NBPF3: variants seen among roughly 807,000 people sequenced by gnomAD.
NBPF3 encodes NBPF member 3.
A neutral mutation model predicts 78.1 loss-of-function variants in NBPF3; 57 were observed. The ratio of observed to expected loss-of-function variants is 0.73; its 90% confidence interval spans 0.59 to 0.91. NBPF3 has a LOEUF of 0.91. NBPF3 is among the 40% of genes least tolerant of loss of function. The pLI, the probability that NBPF3 is intolerant of heterozygous loss-of-function variation, is 0.00. For missense variants in NBPF3, 510 were observed against 715.3 expected, an observed-to-expected ratio of 0.71 and a Z score of 3.27; for synonymous variants, 182 against 271.7, an observed-to-expected ratio of 0.67 and a Z score of 3.25.
intron 2 of NBPF3, among the ~76,000 whole-genome samples, chr1:21,464,727 G>A (rs1185577681): frequency 1.3e-5 from 2 of 151,650 alleles, no homozygotes; most frequent in African/African-American, 4.8e-5. Context: ...GCATTTCAGG[G>A]CCAGGTTCAG....
chr1:21,457,772 A>G (rs1641713339), intron 2 of NBPF3, among the ~76,000 whole-genome samples: 1 of 152,224 alleles, frequency 6.6e-6, no homozygotes. Flanking sequence ...AGGAATGTAC[A>G]CACTATGTGT....
intron 2 of NBPF3, among the ~76,000 whole-genome samples, chr1:21,466,335 C>T (rs1278283521): frequency 2.0e-5 from 3 of 152,194 alleles, no homozygotes; most frequent in African/African-American, 7.2e-5. Flanking sequence ...AATCTCAAAA[C>T]AGGAATCAGA....
In NBPF3 at chr1:21,476,984, C is replaced by T. The variant is rs2148006984; in HGVS notation, c.993-1160C>T. On this transcript the variant is annotated intron_variant, in intron 8 of 14. Transcript: ENST00000318249. This position sits in a 1 kb window ranked among gnomAD's most constrained non-coding sequence, Gnocchi z 4.1. ...GAGGCTTTGTTCATTTCTTTTTACT[C>T]TTTTTTCTCTAAACTGCTCTTCTCA... Among the ~76,000 whole-genome samples the T allele has an allele frequency of 6.6e-6, 1 of 152,258 alleles. No homozygotes were observed. Among genetic ancestry groups the T allele is most frequent in the South Asian group, 2.1e-4 (1 of 4,824 alleles).
intron 12 of NBPF3, among the ~76,000 whole-genome samples, chr1:21,481,348 C>T (rs1229751655): frequency 1.4e-5 from 2 of 147,636 alleles, no homozygotes; most frequent in African/African-American, 4.9e-5. Flanking sequence ...CAGTGTGTCA[C>T]CTGGACAATT....
chr1:21,452,297 T>A (rs1457993968), intron 2 of NBPF3, among the ~76,000 whole-genome samples: 2 of 152,158 alleles, frequency 1.3e-5, no homozygotes, highest in African/African-American at 4.8e-5. Context: ...TGGTTGTGAG[T>A]TCAGCAACCC....
rs560485915 is a variant in NBPF3 at position 21,444,806 on chromosome 1, C to A, written c.-139-142C>A. 9 of 285,946 alleles carry A rather than the reference C, an allele frequency of 3.1e-5. No homozygotes were observed. In the East Asian group the frequency reaches 6.7e-4, roughly 21 times the overall value. The allele number at this position is 285,946 out of a possible 1,614,324, so 17.7% of individuals were successfully genotyped here. On this transcript the variant is annotated intron_variant, in intron 1 of 14. Coordinates refer to ENST00000318249, the MANE Select transcript of NBPF3 (RefSeq NM_032264.6). ...GACTGTTGATTACATATGACAGAAA[C>A]CCAACCACCTCTAGTTCCCACCACC...
At position 21,483,138 on chromosome 1, in the gene NBPF3, T is replaced by C; in HGVS notation, c.1659-5T>C. The C allele has an allele frequency of 6.2e-7, 1 of 1,612,186 alleles. No homozygotes were observed. The highest frequency in any genetic ancestry group is 8.5e-7 in the Non-Finnish European group (1 of 1,179,566). On this transcript the variant is annotated splice_region_variant and splice_polypyrimidine_tract_variant and intron_variant, in intron 14 of 14. Coordinates refer to ENST00000318249, the MANE Select transcript of NBPF3 (RefSeq NM_032264.6). ...CTGCTTCTTTAGTTTTGTCTCCTTT[T>C]CCAGGCTCAACGAGGTGCTGATGGA... is the stretch of plus-strand genomic sequence containing the variant.
rs7537914 is a variant in NBPF3, at chr1:21,470,123, A to T, written c.344-509A>T. Among the ~76,000 whole-genome samples, 24 of 152,156 alleles carry T rather than the reference A, an allele frequency of 1.6e-4. No homozygotes were observed. In the East Asian group the frequency reaches 4.2e-3, roughly 27 times the overall value. On this transcript the variant is annotated intron_variant, in intron 3 of 14. Coordinates refer to ENST00000318249, the MANE Select transcript of NBPF3 (RefSeq NM_032264.6). ...CTTATGGTCTTACGTCTCATCCTTT[A>T]TGCTTCAGATGTGATTCTTAAAATC...
chr1:21,445,523 C>A (rs1388896368), intron 2 of NBPF3, among the ~76,000 whole-genome samples: 1 of 149,430 alleles, frequency 6.7e-6, no homozygotes, highest in Non-Finnish European at 1.5e-5. Context: ...CTCTCACCCC[C>A]CATTCTCTGC....
At chr1:21,468,664 T>A in intron 2 of NBPF3, 24 bp from the exon 3 acceptor site, 2 of 1,611,630 alleles carry the variant, frequency 1.2e-6, no homozygotes, top group Non-Finnish European at 1.7e-6. Flanking sequence ...TAACCCATCG[T>A]GTGTTTGGGT....
At chr1:21,471,901 G>T (rs926462136) in intron 5 of NBPF3, 118 bp downstream of exon 5, 234 of 1,379,534 alleles carry the variant, frequency 1.7e-4, no homozygotes, top group Non-Finnish European at 2.2e-4. Context: ...AACGTATGTG[G>T]CCGTGACATA....
intron 2 of NBPF3, among the ~76,000 whole-genome samples, chr1:21,462,724 T>C (rs1302680296): frequency 6.6e-6 from 1 of 152,246 alleles, no homozygotes; most frequent in Non-Finnish European, 1.5e-5. Flanking sequence ...CAGTTTGATC[T>C]AATGGTACAA....
At chr1:21,459,392 A>C (rs1641816887) in intron 2 of NBPF3, among the ~76,000 whole-genome samples, 1 of 152,206 alleles carries the variant, frequency 6.6e-6, no homozygotes, top group South Asian at 2.1e-4. Flanking sequence ...ATACAGATTC[A>C]AACAATATGA....
Position 21,470,686 on chromosome 1 carries a change from T to TCA in NBPF3, c.401_402dup (p.Glu135GlnfsTer29), listed in dbSNP as rs767682951. The TCA allele has an allele frequency of 6.2e-7, 1 of 1,601,548 alleles. No individual in the cohort carries two copies. Among genetic ancestry groups the TCA allele is most frequent in the Non-Finnish European group, 8.5e-7 (1 of 1,171,824 alleles). On this transcript the variant is annotated frameshift_variant, in exon 4 of 15. Transcript: ENST00000318249. LOFTEE classifies it high-confidence loss of function. The stretch of plus-strand genomic sequence containing the variant: ...TCTATGCTGAGGGATGAGCGGCTGC[T>TCA]CACAGAAGAGAAGCTTGCAGAGGAG...
chr1:21,471,478 G>A (rs939250814), intron 4 of NBPF3, 91 bp from the exon 5 acceptor site: 12 of 1,593,668 alleles, frequency 7.5e-6, no homozygotes, highest in African/African-American at 1.3e-5. Flanking sequence ...GTCTCCTTGA[G>A]GACATTGTCT....
At chr1:21,451,216 C>T (rs1431452289) in intron 2 of NBPF3, among the ~76,000 whole-genome samples, 3 of 152,178 alleles carry the variant, frequency 2.0e-5, no homozygotes, top group African/African-American at 7.2e-5. Flanking sequence ...GTTTATTGGT[C>T]CATTCTTGTA....
chr1:21,473,306 C>T (rs1642706791), intron 6 of NBPF3, 74 bp from the exon 7 acceptor site: 2 of 1,542,984 alleles, frequency 1.3e-6, no homozygotes, highest in Non-Finnish European at 1.8e-6. Flanking sequence ...CCTGTCGAAA[C>T]CAGCTAGCAC....
chr1:21,481,152 T>A (rs1354334339), intron 12 of NBPF3, among the ~76,000 whole-genome samples, 171 bp downstream of exon 12: 1 of 149,382 alleles, frequency 6.7e-6, no homozygotes, highest in East Asian at 2.0e-4. Context: ...AGGTTTCCGT[T>A]TCTTCCTCCC....
chr1:21,475,970 T>C (rs1436153269), intron 8 of NBPF3, among the ~76,000 whole-genome samples: 1 of 152,200 alleles, frequency 6.6e-6, no homozygotes, highest in Non-Finnish European at 1.5e-5. Flanking sequence ...ATTGGATATA[T>C]GTACATTTAG....
Sources: gnomAD v4.1 joint callset for allele counts (sites outside exome capture counted in the v4.1 genomes callset) on GRCh38, gnomAD v4.1.1 for gene constraint, Gnocchi (gnomAD v3.1) non-coding constraint, MANE v1.5 for transcripts, NCBI Gene and HGNC (gene_info 2026-07-23, HGNC 2026-07-21) for gene names.